Variants in AGBL3 observed in about 807,000 individuals in gnomAD.
The protein encoded by AGBL3 is AGBL carboxypeptidase 3.
AGBL3 carries 68 observed loss-of-function variants against 94.5 expected under a neutral mutation model. The ratio of observed to expected loss-of-function variants is 0.72; its 90% CI spans 0.59 to 0.88. AGBL3 has a LOEUF of 0.88. AGBL3 is among the 40% of genes least tolerant of loss of function. The pLI is 0.00. For missense variants in AGBL3, 934 were observed against 1,103.8 expected (o/e 0.85, Z 2.18); for synonymous variants, 354 against 370.7 (o/e 0.95, Z 0.52).
At chr7:135,065,774 CCCAGCT>C (rs1819233793) in intron 12 of AGBL3, among the ~76,000 whole-genome samples, 1 of 152,142 alleles carries the variant, frequency 6.6e-6, no homozygotes, top group African/African-American at 2.4e-5. Context: ...CGCCTATAGT[CCCAGCT>C]TCTCAGGAGG....
At chr7:135,102,852 T>C (rs1239419558) in intron 15 of AGBL3, among the ~76,000 whole-genome samples, 1 of 152,192 alleles carries the variant, frequency 6.6e-6, no homozygotes, top group African/African-American at 2.4e-5. Context: ...AGAATCTTTA[T>C]GGTCTTGGAA....
chr7:135,094,307 G>A (rs548649721), intron 15 of AGBL3: 8 of 450,254 alleles, frequency 1.8e-5, no homozygotes, highest in African/African-American at 1.2e-4. Flanking sequence ...AACTGAGGCT[G>A]ACAAGTAAAC....
chr7:134,993,009 C>G (rs575941313), intron 3 of AGBL3, among the ~76,000 whole-genome samples: 1 of 152,258 alleles, frequency 6.6e-6, no homozygotes, highest in African/African-American at 2.4e-5. Context: ...CTTGGCGTGG[C>G]CCCATACTAG....
intron 15 of AGBL3, among the ~76,000 whole-genome samples, chr7:135,085,743 T>C (rs1821287735): frequency 6.6e-6 from 1 of 152,074 alleles, no homozygotes; most frequent in South Asian, 2.1e-4. Context: ...CTGGTTTGAT[T>C]ACTATTGCCT....
chr7:135,023,591 G>A (rs558985710), intron 5 of AGBL3, among the ~76,000 whole-genome samples: 13 of 152,262 alleles, frequency 8.5e-5, no homozygotes, highest in African/African-American at 2.9e-4. Flanking sequence ...TGCACATGGG[G>A]CAGCTGAAGC....
intron 15 of AGBL3, among the ~76,000 whole-genome samples, chr7:135,085,990 T>C (rs12707211): frequency 0.44 from 66,695 of 151,870 alleles, 15,345 homozygotes; most frequent in East Asian, 0.78. Flanking sequence ...AGATGTCTAT[T>C]TGTATCCTCC....
chr7:135,039,196 T>C (rs1465554564), intron 8 of AGBL3, among the ~76,000 whole-genome samples: 1 of 152,098 alleles, frequency 6.6e-6, no homozygotes, highest in Non-Finnish European at 1.5e-5. Context: ...TTAAAATAAT[T>C]AATATCACAC....
rs752757788 is a variant in AGBL3, at chr7:135,135,009, G to A, written c.2511G>A (p.Lys837=). ...GTTTATCACCTCTCAAAGGCCCCAAGAAGAATAAACATTCTCAAATCTGGG... is the reference window on the plus strand; with the variant it reads ...GTTTATCACCTCTCAAAGGCCCCAAAAAGAATAAACATTCTCAAATCTGGG... ...LESLSPLKGP[K]KNKHSQIWAI... The change falls in exon 17 of 17, where the codon AAG becomes AAA. Residue 837 remains lysine (K), a synonymous_variant. Transcript: ENST00000436302. The A allele has an allele frequency of 1.3e-6, 2 of 1,551,106 alleles. No homozygotes were observed. Among genetic ancestry groups the A allele is most frequent in the East Asian group, 2.4e-5 (1 of 40,888 alleles).
chr7:135,087,969 A>G (rs1821462100), intron 15 of AGBL3, among the ~76,000 whole-genome samples: 2 of 152,026 alleles, frequency 1.3e-5, no homozygotes, highest in Non-Finnish European at 2.9e-5. Context: ...CTTTAGATCT[A>G]ATAATATTTG....
chr7:135,120,155 A>G (rs1826937892), intron 16 of AGBL3, among the ~76,000 whole-genome samples: 1 of 152,248 alleles, frequency 6.6e-6, no homozygotes, highest in South Asian at 2.1e-4. Flanking sequence ...GAAAATGACA[A>G]AAGAAGGAAT....
intron 3 of AGBL3, 63 bp downstream of exon 3, chr7:134,989,373 G>T: frequency 8.6e-7 from 1 of 1,163,044 alleles, no homozygotes; most frequent in African/African-American, 1.6e-5. Flanking sequence ...AAAAGAAGAT[G>T]AGGAAACTAA....
chr7:135,128,818 G>GA, intron 16 of AGBL3: 1 of 1,163,310 alleles, frequency 8.6e-7, no homozygotes, highest in South Asian at 1.3e-5. Flanking sequence ...AACTGTGGAT[G>GA]AGACAGCTGT....
At chr7:135,072,374 G>A (rs762634367) in intron 12 of AGBL3, among the ~76,000 whole-genome samples, 1 of 152,152 alleles carries the variant, frequency 6.6e-6, no homozygotes, top group Non-Finnish European at 1.5e-5. Context: ...CAGGGATCCA[G>A]AACTAGAAAT....
intron 12 of AGBL3, among the ~76,000 whole-genome samples, chr7:135,059,821 A>T (rs1476773627): frequency 6.6e-6 from 1 of 152,204 alleles, no homozygotes; most frequent in Non-Finnish European, 1.5e-5. Flanking sequence ...TTAAGTAAGA[A>T]CTCAAAGGAA....
chr7:135,089,565 A>C (rs1056966784), intron 15 of AGBL3, among the ~76,000 whole-genome samples: 1 of 152,086 alleles, frequency 6.6e-6, no homozygotes, highest in Non-Finnish European at 1.5e-5. Context: ...GGATGTGCTG[A>C]CTTGTTTCTG....
chr7:135,051,646 A>C (rs1276470816), intron 11 of AGBL3, among the ~76,000 whole-genome samples: 1 of 152,058 alleles, frequency 6.6e-6, no homozygotes, highest in Non-Finnish European at 1.5e-5. Flanking sequence ...TCATGAGAAA[A>C]AATCTTCAGT....
At chr7:134,991,981 T>C (rs1810344856) in intron 3 of AGBL3, among the ~76,000 whole-genome samples, 1 of 152,252 alleles carries the variant, frequency 6.6e-6, no homozygotes. Flanking sequence ...AGTCTGCTCT[T>C]GTTTACTTTT....
chr7:135,058,828 C>T (rs1367358101), intron 11 of AGBL3, among the ~76,000 whole-genome samples: 1 of 152,146 alleles, frequency 6.6e-6, no homozygotes, highest in African/African-American at 2.4e-5. Context: ...ACGATCTCAG[C>T]TCACTGCAAC....
At chr7:135,079,648 G>GTTT (rs1820756688) in intron 13 of AGBL3, among the ~76,000 whole-genome samples, 1 of 139,456 alleles carries the variant, frequency 7.2e-6, no homozygotes. Flanking sequence ...TTTTTTTTTC[G>GTTT]GTAGAGGCGG....
Sources: allele counts gnomAD v4.1 joint callset (sites outside exome capture counted in the v4.1 genomes callset), GRCh38; gene constraint gnomAD v4.1.1; transcripts MANE v1.5; gene names NCBI Gene and HGNC (gene_info 2026-07-23, HGNC 2026-07-21).